KIAA1549: variants seen among roughly 807,000 people sequenced by gnomAD.
KIAA1549 encodes the protein UPF0606 protein KIAA1549.
In KIAA1549, 70 loss-of-function variants were observed where a neutral mutation model predicts 156.4. The ratio of observed to expected loss-of-function variants is 0.45; its 90% CI spans 0.37 to 0.55. KIAA1549 has a LOEUF of 0.55. Ranked by LOEUF, KIAA1549 falls within the 20% of genes least tolerant of loss-of-function variation. The pLI, the probability that KIAA1549 is intolerant of heterozygous loss-of-function variation, is 0.00. For synonymous variants in KIAA1549, 1,103 were observed against 1,066.4 expected (o/e 1.03, Z -0.67); for missense variants, 2,428 against 2,540.9 (o/e 0.96, Z 0.96).
At chr7:138,905,207 T>G in intron 6 of KIAA1549, 126 bp from the exon 7 acceptor site, 2 of 690,014 alleles carry the variant, frequency 2.9e-6, no homozygotes, top group East Asian at 5.5e-5. Flanking sequence ...AATGTCAGAT[T>G]AGCGTGAGGA....
At chr7:138,924,873 C>T (rs1420681343) in intron 1 of KIAA1549, among the ~76,000 whole-genome samples, 1 of 152,148 alleles carries the variant, frequency 6.6e-6, no homozygotes, top group Non-Finnish European at 1.5e-5. Context: ...AAGGTTCTCT[C>T]TTGGATGACA....
At chr7:138,954,542 C>G (rs1813604526) in intron 1 of KIAA1549, among the ~76,000 whole-genome samples, 1 of 152,174 alleles carries the variant, frequency 6.6e-6, no homozygotes, top group African/African-American at 2.4e-5. Context: ...TCCTCAGGCT[C>G]CTGTTCTCTG....
intron 1 of KIAA1549, among the ~76,000 whole-genome samples, chr7:138,980,365 A>T (rs1328014856): frequency 6.6e-6 from 1 of 152,250 alleles, no homozygotes; most frequent in Non-Finnish European, 1.5e-5. Flanking sequence ...CTTCTTCATA[A>T]ATCATGCCTC....
intron 10 of KIAA1549, among the ~76,000 whole-genome samples, chr7:138,886,289 T>TC (rs1392180203): frequency 6.6e-6 from 1 of 152,118 alleles, no homozygotes; most frequent in African/African-American, 2.4e-5. Flanking sequence ...TCTTTTTTTT[T>TC]CATTTGATGT....
intron 12 of KIAA1549, among the ~76,000 whole-genome samples, chr7:138,875,199 T>C (rs997780113): frequency 2.0e-5 from 3 of 152,162 alleles, no homozygotes; most frequent in African/African-American, 7.2e-5. Context: ...ACACAGTATA[T>C]TCATACATGG....
intron 1 of KIAA1549, among the ~76,000 whole-genome samples, chr7:138,947,043 T>C (rs982728724): frequency 3.3e-5 from 5 of 152,088 alleles, no homozygotes; most frequent in African/African-American, 4.8e-5. Context: ...TGGGATTTTA[T>C]CTACTTCCAC....
chr7:138,845,867 T>C (rs556475442), intron 17 of KIAA1549, among the ~76,000 whole-genome samples: 42 of 152,276 alleles, frequency 2.8e-4, no homozygotes, highest in African/African-American at 7.9e-4. Context: ...GCTCACTTCA[T>C]TCATTTTCAA....
chr7:138,966,836 C>T (rs560476914), intron 1 of KIAA1549, among the ~76,000 whole-genome samples: 18 of 152,206 alleles, frequency 1.2e-4, no homozygotes, highest in African/African-American at 4.3e-4. Context: ...GGAATAGATC[C>T]TTCTCTAGCA....
intron 17 of KIAA1549, among the ~76,000 whole-genome samples, chr7:138,846,622 A>G (rs1810083587): frequency 6.6e-6 from 1 of 152,020 alleles, no homozygotes; most frequent in African/African-American, 2.4e-5. Context: ...AATACAATGG[A>G]AAAAAGGGAA....
chr7:138,934,482 A>T (rs1375848058), intron 1 of KIAA1549, among the ~76,000 whole-genome samples: 1 of 152,036 alleles, frequency 6.6e-6, no homozygotes, highest in African/African-American at 2.4e-5. Flanking sequence ...GGAGTACACC[A>T]AGAGAGCGGA....
intron 1 of KIAA1549, among the ~76,000 whole-genome samples, chr7:138,946,801 T>G (rs2718139): frequency 6.6e-6 from 1 of 151,862 alleles, no homozygotes; most frequent in Non-Finnish European, 1.5e-5. Flanking sequence ...AATCCCTGAC[T>G]CCACCCCGTC....
chr7:138,919,495 G>C (rs548722697), intron 1 of KIAA1549, 57 bp from the exon 2 acceptor site: 1 of 1,554,130 alleles, frequency 6.4e-7, no homozygotes, highest in Admixed American at 2.0e-5. Flanking sequence ...CACAGCTAAC[G>C]TTTTGTTTCA....
chr7:138,910,700 ATTTT>A (rs10686011), intron 4 of KIAA1549, among the ~76,000 whole-genome samples: 2 of 112,028 alleles, frequency 1.8e-5, no homozygotes, highest in Non-Finnish European at 3.4e-5. Context: ...ACTTGGTCTA[ATTTT>A]TTTTTTTTTT....
chr7:138,865,659 C>A (rs1376084944), intron 15 of KIAA1549, among the ~76,000 whole-genome samples: 1 of 152,144 alleles, frequency 6.6e-6, no homozygotes, highest in Non-Finnish European at 1.5e-5. Context: ...CAGGAAGAGG[C>A]TGCTCTGCAC....
At chr7:138,923,531 T>A (rs978185621) in intron 1 of KIAA1549, among the ~76,000 whole-genome samples, 7 of 150,956 alleles carry the variant, frequency 4.6e-5, no homozygotes, top group African/African-American at 1.7e-4. Context: ...ACCCGGGAGG[T>A]GGAGAATGCA....
intron 10 of KIAA1549, among the ~76,000 whole-genome samples, chr7:138,892,393 C>T (rs1261686937): frequency 1.3e-5 from 2 of 152,236 alleles, no homozygotes; most frequent in Non-Finnish European, 2.9e-5. Context: ...ACCGTCTACA[C>T]TGGTTAACTC....
Position 138,917,404 on chromosome 7 carries a change from T to A in KIAA1549, c.2222A>T (p.Glu741Val). 1.2e-6 allele frequency: 2 copies of A among 1,613,932 alleles called. No homozygotes were observed. Among genetic ancestry groups the A allele is most frequent in the East Asian group, 2.2e-5 (1 of 44,872 alleles). ...AATGAAAGCTGAGGTAAAATGAGCTTCTGAATCCGTCAGTGAAACCGTAGA... is the reference window on the plus strand; with the variant it reads ...AATGAAAGCTGAGGTAAAATGAGCTACTGAATCCGTCAGTGAAACCGTAGA... ...EASTVSLTDS[E>V]AHFTSAFIET... is the part of the protein sequence containing the mutation. The change falls in exon 2 of 20, where the codon GAA becomes GTA. Residue 741 changes from glutamate to valine, a missense_variant. This residue lies in a region of KIAA1549 where 762 missense variants were observed against 901.6 expected (regional missense o/e 0.85). Transcript: ENST00000422774.
In KIAA1549 at chr7:138,918,868, T is replaced by C. The variant is rs1812442562; in HGVS notation, c.758A>G (p.Tyr253Cys). 3 of 1,613,976 alleles carry C rather than the reference T, an allele frequency of 1.9e-6. No homozygotes were observed. Among genetic ancestry groups the C allele is most frequent in the Non-Finnish European group, 2.5e-6 (3 of 1,179,888 alleles). Residue 253 changes from tyrosine (Y) to cysteine (C), a missense_variant, in exon 2 of 20, where the codon TAT becomes TGT. Physicochemically the swap from Tyr to Cys is radical, Grantham distance 194. This residue lies in a region of KIAA1549 where 893 missense variants were observed against 847.9 expected (regional missense o/e 1.05). Coordinates refer to ENST00000422774, the MANE Select transcript of KIAA1549 (RefSeq NM_001164665.2). The surrounding 1 kb of genome is among the most constrained non-coding windows in gnomAD (Gnocchi z 4.2). ...VPTPGRNLVL[Y>C]PTDAYSHLSS... ...TAAATGACTGTAAGCATCAGTAGGA[T>C]AAAGCACCAAATTCCTGCCAGGAGT...
At chr7:138,905,152 C>T in intron 6 of KIAA1549, 71 bp from the exon 7 acceptor site, 2 of 1,020,076 alleles carry the variant, frequency 2.0e-6, no homozygotes, top group Non-Finnish European at 3.0e-6. Flanking sequence ...CAACAAAGTC[C>T]CAACACATCG....
Sources: gnomAD v4.1 joint callset for allele counts (sites outside exome capture counted in the v4.1 genomes callset) on GRCh38, gnomAD v4.1.1 for gene constraint, gnomAD v4.1.1 regional missense constraint, Gnocchi (gnomAD v3.1) non-coding constraint, MANE v1.5 for transcripts, NCBI Gene and HGNC (gene_info 2026-07-23, HGNC 2026-07-21) for gene names.